Variants in KCNMA1 observed in about 807,000 individuals in gnomAD.
The protein encoded by KCNMA1 is potassium calcium-activated channel subfamily M alpha 1.
A neutral mutation model predicts 140.0 loss-of-function variants in KCNMA1; 29 were observed. That is an observed-to-expected ratio of 0.21 (90% CI 0.15 to 0.28). The LOEUF is 0.28. KCNMA1 is among the 10% of genes least tolerant of loss of function. The pLI, the probability that KCNMA1 is intolerant of heterozygous loss-of-function variation, is 1.00. For missense variants in KCNMA1, 880 were observed against 1,602.2 expected, an observed-to-expected ratio of 0.55 and a Z score of 7.70; for synonymous variants, 612 against 611.9, an observed-to-expected ratio of 1.00 and a Z score of 0.00.
intron 1 of KCNMA1, among the ~76,000 whole-genome samples, chr10:77,406,393 C>T (rs2096473534): frequency 6.6e-6 from 1 of 152,174 alleles, no homozygotes; most frequent in South Asian, 2.1e-4. Flanking sequence ...GCACAAAACA[C>T]AGGTTCAAGC....
chr10:77,387,404 T>C (rs2095641342), intron 2 of KCNMA1, among the ~76,000 whole-genome samples: 1 of 152,084 alleles, frequency 6.6e-6, no homozygotes, highest in South Asian at 2.1e-4. Flanking sequence ...CCCACTTTAA[T>C]CACACATAAT....
intron 3 of KCNMA1, among the ~76,000 whole-genome samples, chr10:77,230,864 T>G (rs1254949379): frequency 6.6e-6 from 1 of 152,174 alleles, no homozygotes; most frequent in Non-Finnish European, 1.5e-5. Context: ...CCCTTAGCTC[T>G]ATCAATAGAG....
intron 1 of KCNMA1, among the ~76,000 whole-genome samples, chr10:77,589,959 G>C (rs1472803630): frequency 1.3e-5 from 2 of 152,126 alleles, no homozygotes; most frequent in Admixed American, 6.5e-5. Context: ...GAGCCAAGTG[G>C]TCTCTTTTGA....
At chr10:77,280,706 T>TC (rs1320133109) in intron 2 of KCNMA1, among the ~76,000 whole-genome samples, 1 of 144,202 alleles carries the variant, frequency 6.9e-6, no homozygotes, top group African/African-American at 2.5e-5. Flanking sequence ...TTTTTTTTTT[T>TC]CAGGTATAGG....
chr10:77,107,526 TG>T (rs2153843639), intron 9 of KCNMA1, among the ~76,000 whole-genome samples: 1 of 152,326 alleles, frequency 6.6e-6, no homozygotes, highest in South Asian at 2.1e-4. Flanking sequence ...CTCTCCCCCA[TG>T]GCATTCTCCT....
At chr10:77,174,536 G>A (rs1215239805) in intron 5 of KCNMA1, among the ~76,000 whole-genome samples, 2 of 152,210 alleles carry the variant, frequency 1.3e-5, no homozygotes, top group Non-Finnish European at 2.9e-5. Context: ...CTGAAAAACA[G>A]CTGGTAGGAT....
At chr10:77,297,610 G>A (rs139798275) in intron 2 of KCNMA1, among the ~76,000 whole-genome samples, 5 of 152,244 alleles carry the variant, frequency 3.3e-5, no homozygotes, top group Admixed American at 1.3e-4. Context: ...CACTACACAC[G>A]TCTGGTGGCA....
In KCNMA1 at chr10:77,208,510, C is replaced by A. The variant is rs187479291; in HGVS notation, c.603-23594G>T. Reference sequence around the variant, plus strand: ...AAAAATAAATAATAAGTAAATAAAACGTTTTAAAAACCTGTGCGCAGAAAT... The same window carrying A: ...AAAAATAAATAATAAGTAAATAAAAAGTTTTAAAAACCTGTGCGCAGAAAT... On this transcript the variant is annotated intron_variant, in intron 3 of 27. Coordinates refer to ENST00000286628, the MANE Select transcript of KCNMA1 (RefSeq NM_001161352.2). Among the ~76,000 whole-genome samples the A allele has an allele frequency of 1.7e-3, 257 of 151,602 alleles. No homozygotes were observed. The Middle Eastern group carries it at 0.02, about 12-fold the overall frequency.
intron 23 of KCNMA1, among the ~76,000 whole-genome samples, chr10:76,916,043 CACAT>C (rs887175043): frequency 5.9e-4 from 89 of 151,438 alleles, no homozygotes; most frequent in African/African-American, 2.0e-3. Flanking sequence ...CACACACACA[CACAT>C]ACACAAATGT....
At chr10:77,285,366 T>C (rs559794166) in intron 2 of KCNMA1, among the ~76,000 whole-genome samples, 1 of 152,078 alleles carries the variant, frequency 6.6e-6, no homozygotes, top group Admixed American at 6.5e-5. Context: ...ATATTCCAAA[T>C]CCAAAAGCTT....
intron 2 of KCNMA1, among the ~76,000 whole-genome samples, chr10:77,325,987 G>T (rs548340082): frequency 1.3e-5 from 2 of 152,216 alleles, no homozygotes; most frequent in Admixed American, 6.5e-5. Flanking sequence ...CAGGATGGGG[G>T]TTGACTGTTT....
intron 2 of KCNMA1, among the ~76,000 whole-genome samples, chr10:77,254,726 A>G (rs747117496): frequency 6.6e-6 from 1 of 152,142 alleles, no homozygotes. Context: ...TCCTTTCTAC[A>G]TAGTACCACT....
intron 2 of KCNMA1, among the ~76,000 whole-genome samples, chr10:77,354,863 G>A (rs1465979589): frequency 6.6e-6 from 1 of 152,142 alleles, no homozygotes; most frequent in Non-Finnish European, 1.5e-5. Context: ...AACCTTTACT[G>A]CCCAAAAAAG....
intron 2 of KCNMA1, among the ~76,000 whole-genome samples, chr10:77,397,552 A>ACTAT (rs2096101329): frequency 6.6e-6 from 1 of 152,224 alleles, no homozygotes; most frequent in African/African-American, 2.4e-5. Context: ...TCCCTATTGT[A>ACTAT]CTATCACATG....
chr10:77,429,285 A>C (rs2097096649), intron 1 of KCNMA1, among the ~76,000 whole-genome samples: 1 of 152,172 alleles, frequency 6.6e-6, no homozygotes, highest in African/African-American at 2.4e-5. Flanking sequence ...CCTCAGCACA[A>C]TTGTCACTTT....
At chr10:77,380,184 C>T (rs1566422420) in intron 2 of KCNMA1, among the ~76,000 whole-genome samples, 1 of 152,182 alleles carries the variant, frequency 6.6e-6, no homozygotes. Context: ...TCATGTGCAT[C>T]TAAAGGCATC....
intron 3 of KCNMA1, among the ~76,000 whole-genome samples, chr10:77,190,313 G>C (rs961708330): frequency 6.6e-6 from 1 of 152,088 alleles, no homozygotes; most frequent in African/African-American, 2.4e-5. Flanking sequence ...ATATGCTATT[G>C]CATTTGGTCC....
intron 15 of KCNMA1, among the ~76,000 whole-genome samples, chr10:77,034,046 A>G (rs1428165320): frequency 6.6e-6 from 1 of 152,110 alleles, no homozygotes; most frequent in East Asian, 1.9e-4. Context: ...GTTCAAGACC[A>G]CCCAGGGCAA....
At chr10:77,544,135 T>C (rs2060838845) in intron 1 of KCNMA1, among the ~76,000 whole-genome samples, 1 of 148,932 alleles carries the variant, frequency 6.7e-6, no homozygotes, top group African/African-American at 2.5e-5. Flanking sequence ...ATCTGTGATC[T>C]ACATATCTTT....
Sources: gnomAD v4.1 joint callset for allele counts (sites outside exome capture counted in the v4.1 genomes callset) on GRCh38, gnomAD v4.1.1 for gene constraint, MANE v1.5 for transcripts, NCBI Gene and HGNC (gene_info 2026-07-23, HGNC 2026-07-21) for gene names.